The following INSYN2B variants were observed in gnomAD, a reference collection of about 807,000 sequenced individuals.
INSYN2B encodes protein INSYN2B.
INSYN2B carries 16 observed loss-of-function variants against 41.2 expected under a neutral mutation model. That is an observed-to-expected ratio of 0.39 (90% CI 0.26 to 0.59). The LOEUF is 0.59. Ranked by LOEUF, INSYN2B falls within the 20% of genes least tolerant of loss-of-function variation. The probability of loss-of-function intolerance (pLI) is 0.57; values close to 1 mark genes in which losing one functional copy is unlikely to be tolerated. For missense variants in INSYN2B, 608 were observed against 646.4 expected (o/e 0.94, Z 0.64); for synonymous variants, 245 against 244.4 (o/e 1.00, Z -0.02).
chr5:169,913,083 A>G (rs951420247), intron 1 of INSYN2B, among the ~76,000 whole-genome samples: 7 of 152,202 alleles, frequency 4.6e-5, no homozygotes, highest in African/African-American at 7.2e-5. Flanking sequence ...CATAACCATT[A>G]AAGTGTTGTC....
At chr5:169,968,141 C>G (rs1407969727) in intron 1 of INSYN2B, among the ~76,000 whole-genome samples, 1 of 152,208 alleles carries the variant, frequency 6.6e-6, no homozygotes, top group Non-Finnish European at 1.5e-5. Context: ...AAGCTGACAA[C>G]ACTTTGTAAT....
At chr5:169,959,193 C>G (rs1776982143) in intron 1 of INSYN2B, among the ~76,000 whole-genome samples, 1 of 151,964 alleles carries the variant, frequency 6.6e-6, no homozygotes, top group South Asian at 2.1e-4. Flanking sequence ...GACATTGAGA[C>G]CATCCTGGCT....
rs1414268255 is a variant in INSYN2B, at chr5:169,883,163, T to C, written c.736A>G (p.Arg246Gly). The C allele has an allele frequency of 1.3e-6, 2 of 1,551,664 alleles. No individual in the cohort carries two copies. Among genetic ancestry groups the C allele is most frequent in the South Asian group, 2.4e-5 (2 of 84,058 alleles). Residue 246 changes from arginine to glycine, a missense_variant, in exon 2 of 4, where the codon AGG becomes GGG. Physicochemically the swap from Arg to Gly is moderately radical, Grantham distance 125 (BLOSUM62 -2). Coordinates refer to ENST00000377365, the MANE Select transcript of INSYN2B (RefSeq NM_001129891.3). ...LDDTRPGDGR[R>G]VTPLDSEKST... The stretch of plus-strand genomic sequence containing the variant: ...TTTTCTGAATCTAGTGGAGTCACCC[T>C]TCTCCCATCACCTGGACGTGTGTCA...
chr5:169,943,312 G>C (rs1776314270), intron 1 of INSYN2B, among the ~76,000 whole-genome samples: 1 of 152,168 alleles, frequency 6.6e-6, no homozygotes, highest in Admixed American at 6.5e-5. Flanking sequence ...AGCAGTAGCT[G>C]TCTAAAGGTT....
chr5:169,893,553 G>A (rs1442266790), intron 1 of INSYN2B, among the ~76,000 whole-genome samples: 2 of 150,770 alleles, frequency 1.3e-5, no homozygotes, highest in Admixed American at 6.6e-5. Flanking sequence ...GTCAAACACT[G>A]GGGGAGCTGC....
chr5:169,957,533 G>A (rs1003049033), intron 1 of INSYN2B, among the ~76,000 whole-genome samples: 1 of 152,198 alleles, frequency 6.6e-6, no homozygotes, highest in African/African-American at 2.4e-5. Context: ...GGTGTCAGGT[G>A]ACTGCTCCAG....
chr5:169,917,091 G>A lies in INSYN2B; in HGVS notation c.-918-32275C>T, dbSNP rs183882783. Among the ~76,000 whole-genome samples the A allele has an allele frequency of 1.2e-3, 182 of 152,322 alleles. 1 individual carries two copies. The highest frequency in any genetic ancestry group is 4.2e-3 in the African/African-American group (176 of 41,576). On this transcript the variant is annotated intron_variant, in intron 1 of 3. Coordinates refer to ENST00000377365, the MANE Select transcript of INSYN2B (RefSeq NM_001129891.3). ...ACAGCTTAAAGTCAGTGGAGTTGAC[G>A]TATGATCAAGCCACCAAATCTCAGC...
chr5:169,969,979 G>T (rs1283095725), intron 1 of INSYN2B, among the ~76,000 whole-genome samples: 5 of 152,188 alleles, frequency 3.3e-5, no homozygotes, highest in Non-Finnish European at 5.9e-5. Context: ...ACATGATGCT[G>T]GTCAAACCAA....
At chr5:169,955,400 A>C (rs1776823282) in intron 1 of INSYN2B, among the ~76,000 whole-genome samples, 1 of 152,104 alleles carries the variant, frequency 6.6e-6, no homozygotes, top group Non-Finnish European at 1.5e-5. Context: ...GGAGAGAGAG[A>C]GAGAGACTGG....
rs70979150 is a variant in INSYN2B, at chr5:169,961,978, C to CAAAAAAAAAA, written c.-919+18289_-919+18298dup. The stretch of plus-strand genomic sequence containing the variant: ...TGGGTGAAAAAGTGAGACTCTGTCC[C>CAAAAAAAAAA]AAAAAAAAAAAAAAAAATGGAGAAA... On this transcript the variant is annotated intron_variant, in intron 1 of 3. Transcript: ENST00000377365. Among the ~76,000 whole-genome samples the CAAAAAAAAAA allele has an allele frequency of 4.7e-4, 35 of 74,626 alleles. 10 individuals are homozygous for CAAAAAAAAAA. The highest frequency in any genetic ancestry group is 2.6e-3 in the East Asian group (6 of 2,292). The allele number at this position is 74,626 out of a possible 152,430, so 49.0% of individuals were successfully genotyped here.
chr5:169,894,086 C>T (rs1312368593), intron 1 of INSYN2B, among the ~76,000 whole-genome samples: 1 of 152,086 alleles, frequency 6.6e-6, no homozygotes, highest in Non-Finnish European at 1.5e-5. Context: ...CTCCAGTGAC[C>T]CCTTGCTTGT....
chr5:169,902,297 G>A (rs1210902010), intron 1 of INSYN2B, among the ~76,000 whole-genome samples: 5 of 152,224 alleles, frequency 3.3e-5, no homozygotes, highest in African/African-American at 9.6e-5. Context: ...GGTGGTGACT[G>A]TGGACGAGGC....
intron 3 of INSYN2B, among the ~76,000 whole-genome samples, chr5:169,872,505 TCTC>T (rs1772044537): frequency 6.6e-6 from 1 of 152,200 alleles, no homozygotes; most frequent in Non-Finnish European, 1.5e-5. Context: ...GTCTACCCCT[TCTC>T]CTAGGGCATC....
intron 1 of INSYN2B, among the ~76,000 whole-genome samples, chr5:169,899,000 C>T (rs540953274): frequency 6.6e-6 from 1 of 152,254 alleles, no homozygotes; most frequent in Middle Eastern, 3.4e-3. Flanking sequence ...TAGAACAGGT[C>T]TGGTTTCAAA....
intron 1 of INSYN2B, among the ~76,000 whole-genome samples, chr5:169,900,776 G>A (rs912966015): frequency 1.3e-5 from 2 of 152,156 alleles, no homozygotes; most frequent in Admixed American, 1.3e-4. Flanking sequence ...GAGCCGCAAA[G>A]AAGCTCTTGG....
chr5:169,916,681 A>T, intron 1 of INSYN2B, among the ~76,000 whole-genome samples: 1 of 44,254 alleles, frequency 2.3e-5, no homozygotes, highest in East Asian at 4.9e-4. Context: ...TTTTCAAAAT[A>T]TGAGAGACTT....
chr5:169,885,576 A>G (rs78722047), intron 1 of INSYN2B, among the ~76,000 whole-genome samples: 2 of 152,344 alleles, frequency 1.3e-5, no homozygotes, highest in East Asian at 1.9e-4. Context: ...CTGAGGAACA[A>G]CTACCTCATA....
chr5:169,974,991 A>C (rs1777665912), intron 1 of INSYN2B, among the ~76,000 whole-genome samples: 1 of 152,154 alleles, frequency 6.6e-6, no homozygotes, highest in Non-Finnish European at 1.5e-5. Flanking sequence ...CTTTAACCAG[A>C]GACTGGGAGC....
At chr5:169,896,489 T>C (rs1372290943) in intron 1 of INSYN2B, among the ~76,000 whole-genome samples, 2 of 152,216 alleles carry the variant, frequency 1.3e-5, no homozygotes, top group Non-Finnish European at 2.9e-5. Context: ...ATGTGGCTAA[T>C]AATATTACTT....
Sources: gnomAD v4.1 joint callset for allele counts (sites outside exome capture counted in the v4.1 genomes callset) on GRCh38, gnomAD v4.1.1 for gene constraint, MANE v1.5 for transcripts, NCBI Gene and HGNC (gene_info 2026-07-23, HGNC 2026-07-21) for gene names.